Variants in RMDN1 observed in about 807,000 individuals in gnomAD.
The protein encoded by RMDN1 is regulator of microtubule dynamics protein 1.
Under a neutral mutation model 48.9 loss-of-function variants are expected in RMDN1, and 48 were observed. The observed-to-expected ratio is 0.98, with a 90% CI of 0.78 to 1.25. The LOEUF is 1.25. RMDN1 is among the 50% of genes most tolerant of loss of function. The pLI is 0.00. For synonymous variants in RMDN1, 148 were observed against 132.6 expected (o/e 1.12, Z -0.80); for missense variants, 418 against 373.4 (o/e 1.12, Z -0.98).
At chr8:86,504,839 C>T in intron 2 of RMDN1, 1 of 1,067,520 alleles carries the variant, frequency 9.4e-7, no homozygotes, top group Non-Finnish European at 1.5e-6. Flanking sequence ...TGCTCTTCCC[C>T]TCTGCTGCTT....
At chr8:86,514,259 C>T in exon 1 of RMDN1, 4 of 985,336 alleles carry the variant, frequency 4.1e-6, no homozygotes, top group Non-Finnish European at 3.6e-6. Flanking sequence ...TCAGTTTTGC[C>T]TTTTCAGTAA....
intron 4 of RMDN1, 81 bp from the exon 5 acceptor site, chr8:86,485,042 AAT>A (rs1337210093): frequency 4.1e-6 from 3 of 737,152 alleles, no homozygotes; most frequent in Non-Finnish European, 6.5e-6. Flanking sequence ...AATATTCTTC[AAT>A]AGTCATTCTC....
rs751772593 is a variant in RMDN1 at position 86,508,590 on chromosome 8, G to A, written c.31C>T (p.Leu11=). 3 of 1,605,358 alleles carry A rather than the reference G, an allele frequency of 1.9e-6. No individual in the cohort carries two copies. The highest frequency in any genetic ancestry group is 2.7e-5 in the African/African-American group (2 of 74,830). MALAARLWRL[L]PFRRGAAPGS... Reference sequence around the variant, plus strand: ...GGGGCGGCTCCACGTCGGAAAGGCAGAAGGCGCCACAGTCGAGCAGCCAGC... The same window carrying A: ...GGGGCGGCTCCACGTCGGAAAGGCAAAAGGCGCCACAGTCGAGCAGCCAGC... Residue 11 remains leucine (L), a synonymous_variant, in exon 1 of 10, where the codon CTG becomes TTG. Coordinates refer to ENST00000406452, the MANE Select transcript of RMDN1 (RefSeq NM_016033.3).
chr8:86,470,066 T>C (rs889107520), downstream of RMDN1: 2 of 742,366 alleles, frequency 2.7e-6, no homozygotes, highest in Non-Finnish European at 3.3e-6. Flanking sequence ...CATCAAGAAA[T>C]TGAGAGCTTT....
At chr8:86,504,363 C>T (rs1397816737) in intron 2 of RMDN1, 1 of 1,572,498 alleles carries the variant, frequency 6.4e-7, no homozygotes, top group Non-Finnish European at 8.7e-7. Context: ...TGCTGGAGTT[C>T]TTTAGAGTAT....
chr8:86,474,096 T>C lies in RMDN1; in HGVS notation c.*212A>G. The C allele has an allele frequency of 7.8e-7, 1 of 1,288,656 alleles. No individual in the cohort carries two copies. The highest frequency in any genetic ancestry group is 9.8e-7 in the Non-Finnish European group (1 of 1,017,880). The allele number at this position is 1,288,656 out of a possible 1,614,324, so 79.8% of individuals were successfully genotyped here. A position where few individuals can be genotyped will look rare whatever the true frequency, so the allele number is the denominator to read the frequency against. On this transcript the variant is annotated 3_prime_UTR_variant, in exon 10 of 10. Transcript: ENST00000406452. ...CAGGATGCAAAATAATCTCTTTGCC[T>C]GAGCCATGGAGATTTATTTCTACCA...
intron 2 of RMDN1, among the ~76,000 whole-genome samples, chr8:86,495,717 C>T (rs1248596954): frequency 3.3e-5 from 5 of 152,132 alleles, no homozygotes; most frequent in Non-Finnish European, 5.9e-5. Flanking sequence ...AAGCTGGACC[C>T]CCACAGGTGC....
At chr8:86,502,115 TA>T (rs1215052892) in intron 2 of RMDN1, among the ~76,000 whole-genome samples, 2 of 152,196 alleles carry the variant, frequency 1.3e-5, no homozygotes, top group East Asian at 3.8e-4. Context: ...CCCTCTCCTT[TA>T]TAATTAAAAA....
intron 8 of RMDN1, 31 bp downstream of exon 8, chr8:86,477,263 A>G (rs1813537205): frequency 3.3e-6 from 5 of 1,518,298 alleles, no homozygotes; most frequent in Non-Finnish European, 3.6e-6. Flanking sequence ...AATTTTAACT[A>G]TATTAATATG....
At chr8:86,489,070 A>G (rs1236627353) in intron 2 of RMDN1, among the ~76,000 whole-genome samples, 1 of 152,234 alleles carries the variant, frequency 6.6e-6, no homozygotes, top group Non-Finnish European at 1.5e-5. Context: ...TGCTCTACAC[A>G]GTCTTTGTTG....
At position 86,488,532 on chromosome 8, in the gene RMDN1, G is replaced by A; in HGVS notation, c.335+20C>T. ...AATTTTGAGGAAACCACAAGCCTAG[G>A]CCTATCCTACATTGCTTACCTTTCC... On this transcript the variant is annotated intron_variant, in intron 3 of 9. Coordinates refer to ENST00000406452, the MANE Select transcript of RMDN1 (RefSeq NM_016033.3). 3 of 1,533,850 alleles carry A rather than the reference G, an allele frequency of 2.0e-6. No individual in the cohort carries two copies. The highest frequency in any genetic ancestry group is 2.7e-6 in the Non-Finnish European group (3 of 1,120,782).
Position 86,473,938 on chromosome 8 carries a change from A to AC in RMDN1, c.*369_*370insG, listed in dbSNP as rs1812931529. 9.9e-7 allele frequency: 1 copy of AC among 1,010,800 alleles called. No homozygotes were observed. Among genetic ancestry groups the AC allele is most frequent in the South Asian group, 4.3e-5 (1 of 23,484 alleles). The allele number at this position is 1,010,800 out of a possible 1,614,324, so 62.6% of individuals were successfully genotyped here. On this transcript the variant is annotated 3_prime_UTR_variant, in exon 10 of 10. Coordinates refer to ENST00000406452, the MANE Select transcript of RMDN1 (RefSeq NM_016033.3). ...AAGATTTCAACTTAGAATCAATCCAATTTGAAAATCCATCCCCCTGTATAT... is the reference window on the plus strand; with the variant it reads ...AAGATTTCAACTTAGAATCAATCCAACTTTGAAAATCCATCCCCCTGTATAT...
At chr8:86,470,862 T>G (rs1048312001), downstream of RMDN1, among the ~76,000 whole-genome samples, 1 of 151,968 alleles carries the variant, frequency 6.6e-6, no homozygotes, top group Non-Finnish European at 1.5e-5. Flanking sequence ...GAGTTAGGGA[T>G]GGGTGGGGGA....
At chr8:86,468,604 T>C (rs1812294414), downstream of RMDN1, 1 of 447,738 alleles carries the variant, frequency 2.2e-6, no homozygotes, top group South Asian at 1.6e-5. Flanking sequence ...GTAGGTATGA[T>C]TTAGCAGATT....
chr8:86,472,987 A>G lies in RMDN1; in HGVS notation c.*1321T>C. 1 of 308,706 alleles carries G rather than the reference A, an allele frequency of 3.2e-6. No individual in the cohort carries two copies. Among genetic ancestry groups the G allele is most frequent in the Non-Finnish European group, 4.7e-6 (1 of 211,458 alleles). 19.1% of individuals were successfully genotyped at this position (308,706 alleles called of 1,614,324 possible). On this transcript the variant is annotated 3_prime_UTR_variant, in exon 10 of 10. Transcript: ENST00000406452. ...TGTTTAAACTTGGGTCCCATCTCCA[A>G]GATATCTTATTGTGTGTATGCAGGT...
Position 86,508,649 on chromosome 8 carries a change from C to A in RMDN1, c.-29G>T. 1 of 1,572,556 alleles carries A rather than the reference C, an allele frequency of 6.4e-7. No individual in the cohort carries two copies. ...CTGCAACTTGCGGGCTGACCCTGCA[C>A]TACTTCAGGCAGCTACGGAGGCGGG... On this transcript the variant is annotated 5_prime_UTR_variant, in exon 1 of 10. Coordinates refer to ENST00000406452, the MANE Select transcript of RMDN1 (RefSeq NM_016033.3).
chr8:86,496,520 A>T (rs34367154), intron 2 of RMDN1, among the ~76,000 whole-genome samples: 40,279 of 152,074 alleles, frequency 0.26, 6,235 homozygotes, highest in East Asian at 0.53. Context: ...ACAGATGTTA[A>T]ATCATCAATG....
intron 5 of RMDN1, chr8:86,481,845 G>A: frequency 1.2e-6 from 1 of 855,068 alleles, no homozygotes; most frequent in Non-Finnish European, 1.7e-6. Flanking sequence ...TGTGTTAGTT[G>A]GAGCAGTATT....
chr8:86,496,090 G>C (rs926594399), intron 2 of RMDN1, among the ~76,000 whole-genome samples: 8 of 152,272 alleles, frequency 5.3e-5, no homozygotes, highest in Middle Eastern at 3.4e-3. Flanking sequence ...ATCCTTTTCA[G>C]AAAAGCAAAT....
Sources: gnomAD v4.1 joint callset for allele counts (sites outside exome capture counted in the v4.1 genomes callset) on GRCh38, gnomAD v4.1.1 for gene constraint, MANE v1.5 for transcripts, NCBI Gene and HGNC (gene_info 2026-07-23, HGNC 2026-07-21) for gene names.